Variants in RANBP2 observed in about 807,000 individuals in gnomAD.
The protein encoded by RANBP2 is E3 SUMO-protein ligase RanBP2.
In RANBP2, 57 loss-of-function variants were observed where a neutral mutation model predicts 303.6. That is an observed-to-expected ratio of 0.19 (90% CI 0.15 to 0.23). The LOEUF (loss-of-function observed/expected upper bound fraction) is 0.23, where lower values mean the gene tolerates loss of function less well. Ranked by LOEUF, RANBP2 falls within the 10% of genes least tolerant of loss-of-function variation. RANBP2 has a pLI of 1.00. For synonymous variants in RANBP2, 1,167 were observed against 1,301.5 expected (o/e 0.90, Z 2.23); for missense variants, 3,138 against 3,780.8 (o/e 0.83, Z 4.46).
At chr2:109,249,378 A>G in the RANBP2 span, among the ~76,000 whole-genome samples, 6 of 152,348 alleles carry the variant, frequency 3.9e-5, no homozygotes, top group South Asian at 1.0e-3. Context: ...CCATGACTAC[A>G]TGAGGAAACC....
rs1384465961 is a variant in RANBP2 at position 108,762,043 on chromosome 2, T to C, written c.2603-58T>C. 4 of 1,591,520 alleles carry C rather than the reference T, an allele frequency of 2.5e-6. No homozygotes were observed. In the African/African-American group the frequency reaches 5.4e-5, roughly 21 times the overall value. On this transcript the variant is annotated intron_variant, in intron 18 of 28. Coordinates refer to ENST00000283195, the MANE Select transcript of RANBP2 (RefSeq NM_006267.5). ...GTATTTATAGCTCTTGCCTAGATAG[T>C]CTTAACTGTAGTATAGACTTTAACA...
chr2:109,403,947 G>A, the RANBP2 span, among the ~76,000 whole-genome samples: 5 of 152,334 alleles, frequency 3.3e-5, no homozygotes, highest in South Asian at 2.1e-4. Flanking sequence ...CTTGGTAGGT[G>A]TACCTTGAGT....
chr2:108,938,188 T>C, the RANBP2 span, among the ~76,000 whole-genome samples: 1 of 152,210 alleles, frequency 6.6e-6, no homozygotes, highest in Admixed American at 6.5e-5. Flanking sequence ...ACATCTCATC[T>C]TTCTATTTGA....
intron 1 of RANBP2, among the ~76,000 whole-genome samples, chr2:108,722,753 G>A (rs971104554): frequency 3.3e-5 from 5 of 151,160 alleles, no homozygotes; most frequent in East Asian, 1.9e-4. Flanking sequence ...TGAGCCGGGC[G>A]TGGTGGCAGC....
At chr2:109,054,096 G>A in the RANBP2 span, among the ~76,000 whole-genome samples, 1 of 152,176 alleles carries the variant, frequency 6.6e-6, no homozygotes, top group Non-Finnish European at 1.5e-5. Context: ...AGCATGCCCA[G>A]CCTGGCACAT....
the RANBP2 span, among the ~76,000 whole-genome samples, chr2:109,279,448 C>T: frequency 2.0e-5 from 3 of 152,180 alleles, no homozygotes; most frequent in South Asian, 6.2e-4. Flanking sequence ...GGGTCTTCCT[C>T]CACCTCACTT....
chr2:108,728,993 T>A (rs983041939), intron 1 of RANBP2, 139 bp from the exon 2 acceptor site: 1 of 1,038,860 alleles, frequency 9.6e-7, no homozygotes, highest in African/African-American at 1.6e-5. Context: ...ATTATGCATT[T>A]GTCAGCCTTT....
the RANBP2 span, among the ~76,000 whole-genome samples, chr2:109,356,389 C>T: frequency 6.6e-6 from 1 of 152,206 alleles, no homozygotes; most frequent in Non-Finnish European, 1.5e-5. Flanking sequence ...TTGGACTTGC[C>T]TCTCTAGCCA....
chr2:109,614,345 G>A, the RANBP2 span: 6 of 710,848 alleles, frequency 8.4e-6, no homozygotes, highest in Admixed American at 4.6e-5. Flanking sequence ...GTGAGGCGGT[G>A]GCCGAGTCCT....
the RANBP2 span, chr2:109,543,359 T>A: frequency 1.3e-5 from 2 of 152,166 alleles, no homozygotes; most frequent in South Asian, 2.1e-4. Context: ...AGCTTATATA[T>A]CTGGATGTTT....
At chr2:108,971,478 C>T in the RANBP2 span, among the ~76,000 whole-genome samples, 1 of 152,120 alleles carries the variant, frequency 6.6e-6, no homozygotes, top group African/African-American at 2.4e-5. Context: ...ACAGTAGCAT[C>T]ACTAGGGGAG....
chr2:109,774,505 T>TATATAAA, the RANBP2 span, among the ~76,000 whole-genome samples: 15 of 32,092 alleles, frequency 4.7e-4, 3 homozygotes, highest in African/African-American at 4.0e-3. Context: ...CAAACATATA[T>TATATAAA]ATATATATAA....
At chr2:109,055,685 C>G in the RANBP2 span, among the ~76,000 whole-genome samples, 2 of 146,400 alleles carry the variant, frequency 1.4e-5, no homozygotes, top group African/African-American at 2.5e-5. Flanking sequence ...CGCCCAGCGG[C>G]CTTTTCATTT....
At chr2:108,974,618 T>C in the RANBP2 span, among the ~76,000 whole-genome samples, 1 of 151,714 alleles carries the variant, frequency 6.6e-6, no homozygotes, top group Non-Finnish European at 1.5e-5. Context: ...TAATCCCAGC[T>C]ACTTGGGAGG....
At chr2:109,369,797 C>T in the RANBP2 span, among the ~76,000 whole-genome samples, 3 of 152,216 alleles carry the variant, frequency 2.0e-5, 1 homozygote, top group East Asian at 3.8e-4. Flanking sequence ...CGGCCCCCTC[C>T]GCTCCCGGTG....
chr2:108,780,502 T>C (rs1277599429), intron 25 of RANBP2, among the ~76,000 whole-genome samples: 1 of 146,994 alleles, frequency 6.8e-6, no homozygotes, highest in Non-Finnish European at 1.5e-5. Context: ...GTAGCTGGGA[T>C]CAGTCACCCA....
At chr2:109,204,070 C>G in the RANBP2 span, among the ~76,000 whole-genome samples, 10 of 152,214 alleles carry the variant, frequency 6.6e-5, no homozygotes, top group African/African-American at 2.4e-4. Context: ...CCTGGATTTG[C>G]ACCTCCTGCC....
chr2:109,423,246 C>T, the RANBP2 span, among the ~76,000 whole-genome samples: 7 of 152,086 alleles, frequency 4.6e-5, no homozygotes, highest in East Asian at 5.8e-4. Context: ...TCGTGGCCAG[C>T]GGTTTTCATC....
At chr2:109,386,811 T>G in the RANBP2 span, among the ~76,000 whole-genome samples, 2,161 of 152,240 alleles carry the variant, frequency 0.014, 46 homozygotes, top group African/African-American at 0.05. Context: ...TCTTAAAAAA[T>G]GACTGCATTC....
Sources: allele counts gnomAD v4.1 joint callset (sites outside exome capture counted in the v4.1 genomes callset), GRCh38; gene constraint gnomAD v4.1.1; transcripts MANE v1.5; gene names NCBI Gene and HGNC (gene_info 2026-07-23, HGNC 2026-07-21).